Variants in SKA3 observed in about 807,000 individuals in gnomAD.
SKA3 encodes spindle and kinetochore-associated protein 3.
A neutral mutation model predicts 44.2 loss-of-function variants in SKA3; 39 were observed. That is an observed-to-expected ratio of 0.88 (90% CI 0.68 to 1.15). The LOEUF is 1.15. Among genes scored for constraint, SKA3 ranks in the 50% most tolerant of loss-of-function variants. The probability of loss-of-function intolerance (pLI) is 0.00; values close to 1 mark genes in which losing one functional copy is unlikely to be tolerated. For missense variants in SKA3, 511 were observed against 485.8 expected (o/e 1.05, Z -0.49); for synonymous variants, 192 against 172.0 (o/e 1.12, Z -0.91).
Position 21,161,890 on chromosome 13 carries a change from A to T in SKA3, c.744-15T>A. 37 of 1,176,248 alleles carry T rather than the reference A, an allele frequency of 3.1e-5. No individual in the cohort carries two copies. The highest frequency in any genetic ancestry group is 3.1e-4 in the South Asian group (16 of 51,584). The allele number at this position is 1,176,248 out of a possible 1,614,324, so 72.9% of individuals were successfully genotyped here. A position where few individuals can be genotyped will look rare whatever the true frequency, so the allele number is the denominator to read the frequency against. ...TGGCCTCCTCACTGGTGTGATTCAT[A>T]GGGAAATTACAAGGTTAAAAAAGTT... On this transcript the variant is annotated splice_polypyrimidine_tract_variant and intron_variant, in intron 4 of 8. Transcript: ENST00000314759.
intron 1 of SKA3, among the ~76,000 whole-genome samples, chr13:21,173,690 T>C (rs1486410646): frequency 2.0e-5 from 3 of 152,258 alleles, no homozygotes; most frequent in African/African-American, 7.2e-5. Flanking sequence ...GTTCGTAATC[T>C]AATCCATGTT....
intron 4 of SKA3, among the ~76,000 whole-genome samples, chr13:21,163,486 G>C (rs1870546941): frequency 6.6e-6 from 1 of 152,042 alleles, no homozygotes; most frequent in African/African-American, 2.4e-5. Flanking sequence ...TATATACACT[G>C]ACAATTTTCC....
In SKA3 at chr13:21,168,416, G is replaced by T; in HGVS notation, c.332-17C>A. 1 of 1,162,674 alleles carries T rather than the reference G, an allele frequency of 8.6e-7. No individual in the cohort carries two copies. The highest frequency in any genetic ancestry group is 1.1e-6 in the Non-Finnish European group (1 of 883,498). The allele number at this position is 1,162,674 out of a possible 1,614,324, so 72.0% of individuals were successfully genotyped here. ...GCTCGTGTACTAGGAGGAAAAATCAGAATATTCTGGTCAAACTCAAAATGG... is the reference window on the plus strand; with the variant it reads ...GCTCGTGTACTAGGAGGAAAAATCATAATATTCTGGTCAAACTCAAAATGG... On this transcript the variant is annotated splice_polypyrimidine_tract_variant and intron_variant, in intron 3 of 8. Transcript: ENST00000314759.
At chr13:21,176,303 C>T in intron 1 of SKA3, 72 bp downstream of exon 1, 1 of 1,166,496 alleles carries the variant, frequency 8.6e-7, no homozygotes, top group Non-Finnish European at 1.1e-6. Flanking sequence ...GTGGGACATA[C>T]CGTCCACTCG....
At chr13:21,156,186 A>G (rs886071974) in intron 7 of SKA3, among the ~76,000 whole-genome samples, 18 of 3,738 alleles carry the variant, frequency 4.8e-3, no homozygotes, top group Non-Finnish European at 0.011. Flanking sequence ...GACTTGGTCT[A>G]AAAAAAAAAA....
At chr13:21,167,020 A>C (rs746997640) in intron 4 of SKA3, among the ~76,000 whole-genome samples, 1 of 152,196 alleles carries the variant, frequency 6.6e-6, no homozygotes, top group Non-Finnish European at 1.5e-5. Flanking sequence ...TTTTCATTGT[A>C]ACTCTTACGG....
chr13:21,167,301 T>A (rs1870764061), intron 4 of SKA3, among the ~76,000 whole-genome samples: 1 of 147,360 alleles, frequency 6.8e-6, no homozygotes, highest in South Asian at 2.2e-4. Flanking sequence ...AAGTTCTTAC[T>A]AATTTTACCC....
intron 4 of SKA3, among the ~76,000 whole-genome samples, chr13:21,163,076 C>T (rs1870523684): frequency 6.6e-6 from 1 of 151,990 alleles, no homozygotes; most frequent in South Asian, 2.1e-4. Context: ...AAACCTTTTA[C>T]CCAGTCATTT....
chr13:21,168,672 G>A (rs1403449631), intron 3 of SKA3, among the ~76,000 whole-genome samples: 1 of 152,092 alleles, frequency 6.6e-6, no homozygotes, highest in Non-Finnish European at 1.5e-5. Context: ...GACTACAGGT[G>A]TGCCACCATG....
intron 3 of SKA3, among the ~76,000 whole-genome samples, chr13:21,170,255 C>A (rs1285020046): frequency 6.6e-6 from 1 of 151,072 alleles, no homozygotes; most frequent in African/African-American, 2.4e-5. Flanking sequence ...TCTCAGCTCA[C>A]GGCAACCTCC....
intron 3 of SKA3, 127 bp from the exon 4 acceptor site, chr13:21,168,526 T>G (rs1440140107): frequency 1.2e-6 from 1 of 853,616 alleles, no homozygotes; most frequent in East Asian, 2.6e-5. Flanking sequence ...CTAAACATTT[T>G]ATTTATTTAG....
At chr13:21,156,076 A>C (rs578207914) in intron 7 of SKA3, among the ~76,000 whole-genome samples, 1 of 151,704 alleles carries the variant, frequency 6.6e-6, no homozygotes, top group Non-Finnish European at 1.5e-5. Flanking sequence ...AATCCCAGCT[A>C]CTCAGGAGGC....
intron 3 of SKA3, among the ~76,000 whole-genome samples, chr13:21,170,047 T>C (rs770996603): frequency 2.6e-5 from 4 of 152,174 alleles, no homozygotes; most frequent in Non-Finnish European, 4.4e-5. Context: ...CTCAGCTAAA[T>C]AGCAAAGACT....
chr13:21,168,607 G>A (rs991400924), intron 3 of SKA3, among the ~76,000 whole-genome samples: 1 of 152,124 alleles, frequency 6.6e-6, no homozygotes, highest in Admixed American at 6.5e-5. Flanking sequence ...GCTCACTGCA[G>A]CCTCGACCTC....
intron 1 of SKA3, among the ~76,000 whole-genome samples, chr13:21,174,863 G>A (rs1362707622): frequency 6.6e-6 from 1 of 152,088 alleles, no homozygotes; most frequent in African/African-American, 2.4e-5. Context: ...ATCCTGCTGG[G>A]TATGCAACTG....
At chr13:21,174,210 A>T (rs536776697) in intron 1 of SKA3, among the ~76,000 whole-genome samples, 3 of 152,260 alleles carry the variant, frequency 2.0e-5, no homozygotes, top group Non-Finnish European at 4.4e-5. Flanking sequence ...AACTAAAAAT[A>T]CCATTTGACC....
At chr13:21,171,075 G>A (rs572130003) in intron 3 of SKA3, among the ~76,000 whole-genome samples, 1 of 152,198 alleles carries the variant, frequency 6.6e-6, no homozygotes, top group Admixed American at 6.5e-5. Context: ...CTCCAAGTGT[G>A]CACCACCATG....
chr13:21,159,994 G>A lies in SKA3; in HGVS notation c.830-7C>T, dbSNP rs1870348366. ...GAGTTGGTATATTCGGCATCTAAAA[G>A]ACACATAAAATGGTCATTAAAAAAC... On this transcript the variant is annotated splice_region_variant and splice_polypyrimidine_tract_variant and intron_variant, in intron 5 of 8. Transcript: ENST00000314759. 2 of 1,197,034 alleles carry A rather than the reference G, an allele frequency of 1.7e-6. No homozygotes were observed. Among genetic ancestry groups the A allele is most frequent in the African/African-American group, 1.5e-5 (1 of 68,540 alleles). 74.2% of individuals were successfully genotyped at this position (1,197,034 alleles called of 1,614,324 possible).
rs543095942 is a variant in SKA3, at chr13:21,172,559, T to C, written c.166-55A>G. 1.2e-5 allele frequency: 19 copies of C among 1,523,170 alleles called. No homozygotes were observed. The African/African-American group carries it at 2.2e-4, about 18-fold the overall frequency. The allele number at this position is 1,523,170 out of a possible 1,614,324, so 94.4% of individuals were successfully genotyped here. ...TTTCTCTAACTTCTGACTAAATCTA[T>C]TTAGGATAAAAAAATTACTCGCCAC... is the stretch of plus-strand genomic sequence containing the variant. On this transcript the variant is annotated intron_variant, in intron 2 of 8. Coordinates refer to ENST00000314759, the MANE Select transcript of SKA3 (RefSeq NM_145061.6).
Sources: gnomAD v4.1 joint callset for allele counts (sites outside exome capture counted in the v4.1 genomes callset) on GRCh38, gnomAD v4.1.1 for gene constraint, MANE v1.5 for transcripts, NCBI Gene and HGNC (gene_info 2026-07-23, HGNC 2026-07-21) for gene names.